The following HERC4 variants were observed in gnomAD, a reference collection of about 807,000 sequenced individuals.
The protein encoded by HERC4 is probable E3 ubiquitin-protein ligase HERC4.
HERC4 carries 28 observed loss-of-function variants against 124.3 expected under a neutral mutation model. The observed-to-expected ratio is 0.23, with a 90% CI of 0.17 to 0.31. The LOEUF (loss-of-function observed/expected upper bound fraction) is 0.31. HERC4 is among the 10% of genes least tolerant of loss of function. HERC4 has a pLI of 1.00. For missense variants in HERC4, 713 were observed against 1,229.3 expected, an observed-to-expected ratio of 0.58 and a Z score of 6.28; for synonymous variants, 407 against 421.5, an observed-to-expected ratio of 0.97 and a Z score of 0.42.
At chr10:67,958,355 G>A (rs543551921) in intron 16 of HERC4, among the ~76,000 whole-genome samples, 65 of 152,238 alleles carry the variant, frequency 4.3e-4, no homozygotes, top group African/African-American at 1.3e-3. Context: ...AAAAGATTTA[G>A]ATATCTCCAA....
At chr10:68,014,279 T>C (rs753250802) in intron 8 of HERC4, 93 bp from the exon 9 acceptor site, 5 of 1,185,860 alleles carry the variant, frequency 4.2e-6, no homozygotes, top group Non-Finnish European at 4.5e-6. Flanking sequence ...GAGGTAATTT[T>C]TCTTTTCAAA....
chr10:68,040,723 T>C (rs889063872), intron 4 of HERC4, among the ~76,000 whole-genome samples: 21 of 151,782 alleles, frequency 1.4e-4, no homozygotes, highest in African/African-American at 5.1e-4. Flanking sequence ...ACCCCGTCTC[T>C]ACTAAAAATA....
At chr10:68,069,228 T>C in intron 3 of HERC4, 1 of 950,720 alleles carries the variant, frequency 1.1e-6, no homozygotes, top group Non-Finnish European at 1.3e-6. Context: ...AAACAACAAT[T>C]CATTTAAATG....
chr10:68,009,565 C>T (rs956421653), intron 9 of HERC4, among the ~76,000 whole-genome samples: 14 of 152,162 alleles, frequency 9.2e-5, no homozygotes, highest in Non-Finnish European at 1.6e-4. Context: ...GAGAGTCTCG[C>T]CTCATTGTCA....
intron 16 of HERC4, among the ~76,000 whole-genome samples, chr10:67,962,448 G>A (rs192746117): frequency 1.6e-4 from 24 of 152,058 alleles, no homozygotes; most frequent in Admixed American, 4.6e-4. Flanking sequence ...TTTATAGTGC[G>A]ACTAACCCAT....
At chr10:68,014,806 A>C (rs2038166651) in intron 8 of HERC4, among the ~76,000 whole-genome samples, 1 of 152,168 alleles carries the variant, frequency 6.6e-6, no homozygotes, top group Admixed American at 6.5e-5. Flanking sequence ...AAACCTATCC[A>C]ACTCCTCAGA....
At chr10:68,009,889 C>T (rs2037832927) in intron 9 of HERC4, among the ~76,000 whole-genome samples, 1 of 152,168 alleles carries the variant, frequency 6.6e-6, no homozygotes, top group African/African-American at 2.4e-5. Flanking sequence ...CAAGAAAACA[C>T]TTTCTTTGCT....
At chr10:67,981,673 T>C (rs2035937464) in intron 15 of HERC4, among the ~76,000 whole-genome samples, 1 of 152,180 alleles carries the variant, frequency 6.6e-6, no homozygotes, top group South Asian at 2.1e-4. Flanking sequence ...AAAACTGAAA[T>C]AGGCCAGGCA....
chr10:67,975,794 T>C (rs2035551223), intron 15 of HERC4, among the ~76,000 whole-genome samples: 1 of 152,218 alleles, frequency 6.6e-6, no homozygotes, highest in African/African-American at 2.4e-5. Context: ...CTCCTCTAAT[T>C]ATTGACAAAA....
At chr10:68,059,600 CATA>C (rs1218431482) in intron 3 of HERC4, among the ~76,000 whole-genome samples, 975 of 76,546 alleles carry the variant, frequency 0.013, 111 homozygotes, top group African/African-American at 0.024. Context: ...TATTATATAT[CATA>C]ATATTATATA....
chr10:67,991,846 A>G (rs1213907576), intron 11 of HERC4, among the ~76,000 whole-genome samples: 1 of 152,230 alleles, frequency 6.6e-6, no homozygotes, highest in East Asian at 1.9e-4. Context: ...ATCTCTATGC[A>G]CATGAAAGAA....
chr10:68,010,607 T>TTCA lies in HERC4; in HGVS notation c.1069+3418_1069+3419insTGA, dbSNP rs1019667949. 12 of 1,341,694 alleles carry TTCA rather than the reference T, an allele frequency of 8.9e-6. No homozygotes were observed. In the Admixed American group the frequency reaches 2.3e-4, roughly 26 times the overall value. 83.1% of individuals were successfully genotyped at this position (1,341,694 alleles called of 1,614,324 possible). The stretch of plus-strand genomic sequence containing the variant: ...TTCTCTTTCAGGCCTGCACGAGGGT[T>TTCA]TCGGCTTTGCATATCTCCTGAATAT... On this transcript the variant is annotated intron_variant, in intron 9 of 24. Coordinates refer to ENST00000373700, the MANE Select transcript of HERC4 (RefSeq NM_015601.4).
chr10:68,064,468 C>CTG, intron 3 of HERC4, among the ~76,000 whole-genome samples: 1 of 147,540 alleles, frequency 6.8e-6, no homozygotes, highest in Non-Finnish European at 1.5e-5. Flanking sequence ...GCAGGAGAAT[C>CTG]ATCTGAACCT....
chr10:67,995,642 A>G (rs1317364202), intron 9 of HERC4, among the ~76,000 whole-genome samples: 10 of 151,976 alleles, frequency 6.6e-5, no homozygotes, highest in Admixed American at 6.6e-4. Flanking sequence ...ATTGCTACAA[A>G]TATTTTTTCC....
chr10:68,001,372 T>TA (rs11422072), intron 9 of HERC4, among the ~76,000 whole-genome samples: 57,103 of 146,982 alleles, frequency 0.39, 11,234 homozygotes, highest in Non-Finnish European at 0.45. Context: ...ACCTTGTATT[T>TA]AAAAAAAAAA....
intron 9 of HERC4, chr10:67,996,220 T>C: frequency 2.5e-6 from 1 of 401,334 alleles, no homozygotes; most frequent in Non-Finnish European, 4.9e-6. Context: ...TGGAGTGAGC[T>C]GTGATCACGC....
chr10:67,927,173 G>T (rs1183254858), intron 23 of HERC4, among the ~76,000 whole-genome samples: 1 of 151,798 alleles, frequency 6.6e-6, no homozygotes, highest in Non-Finnish European at 1.5e-5. Context: ...TCAACTGTTT[G>T]AATTAAAGTC....
rs138680161 is a variant in HERC4, at chr10:68,032,143, T to C, written c.777+635A>G. Among the ~76,000 whole-genome samples the C allele has an allele frequency of 3.3e-5, 5 of 152,364 alleles. No individual in the cohort carries two copies. The South Asian group carries it at 8.3e-4, about 25-fold the overall frequency. ...TTCTAATTTGACCAATGAAAAACTT[T>C]ACATTAACATGACTGCAATAAATAA... On this transcript the variant is annotated intron_variant, in intron 7 of 24. Coordinates refer to ENST00000373700, the MANE Select transcript of HERC4 (RefSeq NM_015601.4).
At chr10:67,996,321 CCT>C (rs1564525626) in intron 9 of HERC4, among the ~76,000 whole-genome samples, 1 of 151,964 alleles carries the variant, frequency 6.6e-6, no homozygotes, top group African/African-American at 2.4e-5. Flanking sequence ...AGACACCCCC[CCT>C]GCCCCACAAG....
Sources: gnomAD v4.1 joint callset for allele counts (sites outside exome capture counted in the v4.1 genomes callset) on GRCh38, gnomAD v4.1.1 for gene constraint, MANE v1.5 for transcripts, NCBI Gene and HGNC (gene_info 2026-07-23, HGNC 2026-07-21) for gene names.